CDH13: variants seen among roughly 807,000 people sequenced by gnomAD.
CDH13 encodes the protein cadherin 13.
CDH13 carries 24 observed loss-of-function variants against 63.8 expected under a neutral mutation model. That is an observed-to-expected ratio of 0.38 (90% CI 0.27 to 0.53). CDH13 has a LOEUF of 0.53. CDH13 is among the 20% of genes least tolerant of loss of function. The pLI is 0.85. For missense variants in CDH13, 1,049 were observed against 903.1 expected, an observed-to-expected ratio of 1.16 and a Z score of -2.07; for synonymous variants, 503 against 355.3, an observed-to-expected ratio of 1.42 and a Z score of -4.67.
At chr16:83,536,136 C>T (rs183824806) in intron 7 of CDH13, among the ~76,000 whole-genome samples, 2 of 152,160 alleles carry the variant, frequency 1.3e-5, no homozygotes, top group Non-Finnish European at 2.9e-5. Context: ...GAAATCCTTT[C>T]CGTAATATCC....
At chr16:83,102,783 G>T (rs1264438235) in intron 3 of CDH13, among the ~76,000 whole-genome samples, 1 of 151,858 alleles carries the variant, frequency 6.6e-6, no homozygotes, top group Non-Finnish European at 1.5e-5. Context: ...AGGGTAAGAG[G>T]GTAAGAAATA....
At chr16:82,761,833 T>C (rs2034868243) in intron 1 of CDH13, among the ~76,000 whole-genome samples, 1 of 152,174 alleles carries the variant, frequency 6.6e-6, no homozygotes, top group Non-Finnish European at 1.5e-5. Flanking sequence ...TCATGACTTA[T>C]GATTTTTTAT....
At chr16:82,639,928 G>A (rs929812291) in intron 1 of CDH13, among the ~76,000 whole-genome samples, 36 of 152,190 alleles carry the variant, frequency 2.4e-4, no homozygotes, top group African/African-American at 8.4e-4. Flanking sequence ...GCCTATCTGT[G>A]CATTCCCTAT....
intron 6 of CDH13, among the ~76,000 whole-genome samples, chr16:83,367,378 CATTT>C (rs1458175789): frequency 1.3e-5 from 2 of 152,280 alleles, no homozygotes; most frequent in Admixed American, 6.5e-5. Flanking sequence ...TATTTTATGA[CATTT>C]ATCCATTTAA....
At chr16:82,818,371 G>A (rs2037830751) in intron 1 of CDH13, among the ~76,000 whole-genome samples, 1 of 152,128 alleles carries the variant, frequency 6.6e-6, no homozygotes. Flanking sequence ...CTTAAAAGAT[G>A]TTAACAGAAA....
intron 1 of CDH13, among the ~76,000 whole-genome samples, chr16:82,787,956 T>C (rs142933582): frequency 6.8e-5 from 10 of 147,594 alleles, no homozygotes; most frequent in African/African-American, 1.5e-4. Flanking sequence ...ATACAGTAAG[T>C]AAGAGGATGG....
rs572731088 is a variant in CDH13 at position 82,976,532 on chromosome 16, CT to C, written c.158-55477del. On this transcript the variant is annotated intron_variant, in intron 2 of 13. Transcript: ENST00000567109. ...TAATTGTTGGTCATTTAGTCTGTCCCTGTGCTAAGTGCTCCATGTGCATTAG... is the reference window on the plus strand; with the variant it reads ...TAATTGTTGGTCATTTAGTCTGTCCCGTGCTAAGTGCTCCATGTGCATTAG... 3.2e-3 allele frequency among the ~76,000 whole-genome samples: 493 copies of C among 152,234 alleles called. 1 individual carries two copies. Among genetic ancestry groups the C allele is most frequent in the Middle Eastern group, 6.8e-3 (2 of 294 alleles).
intron 4 of CDH13, 45 bp from the exon 5 acceptor site, chr16:83,217,300 G>T: frequency 6.2e-7 from 1 of 1,605,684 alleles, no homozygotes; most frequent in Non-Finnish European, 8.5e-7. Flanking sequence ...TGCTTTCTCT[G>T]TGTTTTCCAG....
intron 7 of CDH13, among the ~76,000 whole-genome samples, chr16:83,505,300 C>A (rs8056534): frequency 2.0e-5 from 3 of 151,902 alleles, no homozygotes; most frequent in African/African-American, 7.3e-5. Flanking sequence ...ATAATTCAAT[C>A]TATCCTCACC....
intron 2 of CDH13, among the ~76,000 whole-genome samples, chr16:82,949,746 A>T (rs1380018792): frequency 6.6e-6 from 1 of 151,814 alleles, no homozygotes; most frequent in Non-Finnish European, 1.5e-5. Flanking sequence ...TCTAGTTACC[A>T]CCTCTTTGGT....
intron 2 of CDH13, among the ~76,000 whole-genome samples, chr16:82,890,604 C>T (rs184442894): frequency 6.6e-6 from 1 of 151,770 alleles, no homozygotes; most frequent in Non-Finnish European, 1.5e-5. Flanking sequence ...CATTTGTTGT[C>T]CTACATAGTC....
intron 4 of CDH13, among the ~76,000 whole-genome samples, chr16:83,170,193 AC>A (rs1464108964): frequency 6.6e-6 from 1 of 152,136 alleles, no homozygotes; most frequent in Admixed American, 6.6e-5. Flanking sequence ...TTAACACATG[AC>A]AATAAACCCT....
chr16:83,636,300 T>C (rs1337940824), intron 8 of CDH13, among the ~76,000 whole-genome samples: 1 of 152,204 alleles, frequency 6.6e-6, no homozygotes, highest in African/African-American at 2.4e-5. Flanking sequence ...AAAACATTTT[T>C]TTTCCTTTTT....
chr16:82,926,740 G>C (rs997488568), intron 2 of CDH13, among the ~76,000 whole-genome samples: 2 of 152,224 alleles, frequency 1.3e-5, no homozygotes, highest in African/African-American at 4.8e-5. Context: ...TGAGCAGTGT[G>C]AGGCATGGAC....
At chr16:83,356,924 A>T (rs1420536249) in intron 6 of CDH13, among the ~76,000 whole-genome samples, 1 of 152,198 alleles carries the variant, frequency 6.6e-6, no homozygotes, top group East Asian at 1.9e-4. Flanking sequence ...TTTTCAAAGA[A>T]GTGTCAAAAG....
intron 5 of CDH13, among the ~76,000 whole-genome samples, chr16:83,239,823 C>G (rs1904304154): frequency 1.3e-5 from 2 of 152,004 alleles, no homozygotes; most frequent in South Asian, 2.1e-4. Flanking sequence ...GAGAAATGCC[C>G]CTGAGTAAAG....
intron 4 of CDH13, among the ~76,000 whole-genome samples, chr16:83,150,822 G>C (rs13337917): frequency 0.015 from 2,287 of 152,242 alleles, 65 homozygotes; most frequent in African/African-American, 0.052. Context: ...CAAGTATTTT[G>C]TGTGGTGAAC....
chr16:83,211,088 C>T (rs957936202), intron 4 of CDH13, among the ~76,000 whole-genome samples: 1 of 148,696 alleles, frequency 6.7e-6, no homozygotes, highest in African/African-American at 2.5e-5. Flanking sequence ...GCAGAGGTTG[C>T]AGTGAGCCAA....
At chr16:82,902,109 C>T (rs1356848515) in intron 2 of CDH13, among the ~76,000 whole-genome samples, 1 of 152,142 alleles carries the variant, frequency 6.6e-6, no homozygotes, top group Non-Finnish European at 1.5e-5. Context: ...TTAATTTGCC[C>T]ATTTTAAAGC....
Sources: gnomAD v4.1 joint callset for allele counts (sites outside exome capture counted in the v4.1 genomes callset) on GRCh38, gnomAD v4.1.1 for gene constraint, MANE v1.5 for transcripts, NCBI Gene and HGNC (gene_info 2026-07-23, HGNC 2026-07-21) for gene names.